Variants in COMMD7 observed in about 807,000 individuals in gnomAD.
COMMD7 encodes COMM domain-containing protein 7.
COMMD7 carries 28 observed loss-of-function variants against 34.8 expected under a neutral mutation model. The observed-to-expected ratio is 0.80, with a 90% confidence interval of 0.60 to 1.10. The LOEUF (loss-of-function observed/expected upper bound fraction) is 1.10. Among genes scored for constraint, COMMD7 ranks in the 50% least tolerant of loss-of-function variants. COMMD7 has a pLI of 0.00. For missense variants in COMMD7, 211 were observed against 241.6 expected, an observed-to-expected ratio of 0.87 and a Z score of 0.84; for synonymous variants, 80 against 86.4, an observed-to-expected ratio of 0.93 and a Z score of 0.41.
intron 1 of COMMD7, among the ~76,000 whole-genome samples, chr20:32,729,854 CA>C (rs76643392): frequency 2.0e-5 from 3 of 150,418 alleles, no homozygotes; most frequent in Non-Finnish European, 3.0e-5. Context: ...AAACAAAAAA[CA>C]AAAAAAAATT....
At chr20:32,743,277 C>A in intron 1 of COMMD7, 31 bp downstream of exon 1, 1 of 1,484,228 alleles carries the variant, frequency 6.7e-7, no homozygotes, top group South Asian at 1.2e-5. Context: ...TCACCTGGGC[C>A]CCGCGCCCCA....
intron 1 of COMMD7, 108 bp from the exon 2 acceptor site, chr20:32,728,250 G>T (rs963729553): frequency 3.1e-6 from 3 of 955,282 alleles, no homozygotes; most frequent in African/African-American, 3.2e-5. Context: ...TAACAGCCAG[G>T]TGTTATGCCT....
chr20:32,727,849 C>G, intron 3 of COMMD7, 44 bp downstream of exon 3: 1 of 1,458,026 alleles, frequency 6.9e-7, no homozygotes, highest in South Asian at 1.1e-5. Flanking sequence ...AAGGAATGTT[C>G]AAGTTAATGT....
At chr20:32,720,479 G>C (rs935430248) in intron 3 of COMMD7, among the ~76,000 whole-genome samples, 1 of 151,690 alleles carries the variant, frequency 6.6e-6, no homozygotes. Context: ...TGGGAGACAA[G>C]AGTGAAACTC....
At chr20:32,707,824 A>G (rs183630463) in intron 3 of COMMD7, among the ~76,000 whole-genome samples, 52 of 152,142 alleles carry the variant, frequency 3.4e-4, no homozygotes, top group Admixed American at 6.6e-4. Flanking sequence ...AGAGCTCCAC[A>G]ATGCATTATG....
In COMMD7 at chr20:32,731,792, G is replaced by C. The variant is rs185435392; in HGVS notation, c.85-3650C>G. ...ATGCTTTGCCTTTGCAATTGCATAG[G>C]TGCCTCCCTCTGGAATGCTCACCCA... On this transcript the variant is annotated intron_variant, in intron 1 of 8. Transcript: ENST00000278980. Among the ~76,000 whole-genome samples, 29 of 152,270 alleles carry C rather than the reference G, an allele frequency of 1.9e-4. No individual in the cohort carries two copies. The East Asian group carries it at 4.4e-3, about 23-fold the overall frequency.
intron 3 of COMMD7, among the ~76,000 whole-genome samples, chr20:32,725,223 T>G (rs1435157380): frequency 1.3e-5 from 2 of 151,934 alleles, no homozygotes; most frequent in Non-Finnish European, 2.9e-5. Flanking sequence ...ATACCAGGTA[T>G]GATGAAAAAA....
At chr20:32,708,007 G>T (rs1396076720) in intron 3 of COMMD7, among the ~76,000 whole-genome samples, 2 of 152,162 alleles carry the variant, frequency 1.3e-5, no homozygotes, top group Non-Finnish European at 2.9e-5. Flanking sequence ...TCTATTGGAT[G>T]GCATTGTCCT....
At chr20:32,714,091 C>G (rs1230566791) in intron 3 of COMMD7, among the ~76,000 whole-genome samples, 2 of 152,028 alleles carry the variant, frequency 1.3e-5, no homozygotes, top group African/African-American at 4.8e-5. Flanking sequence ...CCAGCCTGGG[C>G]AATAGAGTGT....
intron 1 of COMMD7, among the ~76,000 whole-genome samples, chr20:32,728,727 C>T (rs1328233539): frequency 6.6e-6 from 1 of 151,698 alleles, no homozygotes; most frequent in African/African-American, 2.4e-5. Context: ...CCACCATACC[C>T]GACTAATTTT....
chr20:32,739,033 G>A (rs1279982294), intron 1 of COMMD7, among the ~76,000 whole-genome samples: 1 of 152,178 alleles, frequency 6.6e-6, no homozygotes, highest in Non-Finnish European at 1.5e-5. Context: ...AATAATAATA[G>A]TGCCTTCCTT....
chr20:32,738,929 C>T (rs1449986459), intron 1 of COMMD7, among the ~76,000 whole-genome samples: 1 of 152,030 alleles, frequency 6.6e-6, no homozygotes, highest in Non-Finnish European at 1.5e-5. Flanking sequence ...TGGAGTCTTG[C>T]TACGTTGCTT....
chr20:32,718,296 CGG>C (rs1183114265), intron 3 of COMMD7, among the ~76,000 whole-genome samples: 5 of 151,714 alleles, frequency 3.3e-5, no homozygotes, highest in Admixed American at 2.6e-4. Context: ...CCCAGCTACT[CGG>C]GAGGTTGAGC....
intron 6 of COMMD7, 103 bp downstream of exon 6, chr20:32,704,711 T>C: frequency 1.1e-6 from 1 of 880,870 alleles, no homozygotes; most frequent in East Asian, 2.4e-5. Flanking sequence ...GCCCCAACAG[T>C]GCTAGGGACT....
At chr20:32,735,381 G>A (rs1214426811) in intron 1 of COMMD7, among the ~76,000 whole-genome samples, 2 of 151,256 alleles carry the variant, frequency 1.3e-5, no homozygotes, top group African/African-American at 4.9e-5. Flanking sequence ...GCAGTGGTGC[G>A]ATCATGGCTC....
At position 32,739,527 on chromosome 20, in the gene COMMD7, C is replaced by A. The variant is rs574167744; in HGVS notation, c.84+3781G>T. On this transcript the variant is annotated intron_variant, in intron 1 of 8. Transcript: ENST00000278980. ...GGGAGTAGTGGCGGGTGCCTGTACT[C>A]CCAGCTACTCGGAAGGCTGAGGCAG... 1.8e-4 allele frequency among the ~76,000 whole-genome samples: 27 copies of A among 146,326 alleles called. No individual in the cohort carries two copies. The East Asian group carries it at 5.2e-3, about 28-fold the overall frequency.
intron 1 of COMMD7, among the ~76,000 whole-genome samples, chr20:32,733,343 G>A (rs142238649): frequency 4.5e-4 from 68 of 152,242 alleles, no homozygotes; most frequent in African/African-American, 1.6e-3. Context: ...CACTTTGGGA[G>A]GTTGAGGCGG....
At chr20:32,707,468 C>T (rs913719662) in intron 3 of COMMD7, among the ~76,000 whole-genome samples, 3 of 151,320 alleles carry the variant, frequency 2.0e-5, no homozygotes, top group East Asian at 2.0e-4. Flanking sequence ...TACAGGCGTG[C>T]GCCACCACAC....
intron 5 of COMMD7, among the ~76,000 whole-genome samples, chr20:32,706,310 G>C (rs1053519185): frequency 6.6e-6 from 1 of 150,896 alleles, no homozygotes; most frequent in Non-Finnish European, 1.5e-5. Context: ...TCAGGAGTTC[G>C]AGACCAGCCT....
Sources: gnomAD v4.1 joint callset for allele counts (sites outside exome capture counted in the v4.1 genomes callset) on GRCh38, gnomAD v4.1.1 for gene constraint, MANE v1.5 for transcripts, NCBI Gene and HGNC (gene_info 2026-07-23, HGNC 2026-07-21) for gene names.